Variants in SCFD2 observed in about 807,000 individuals in gnomAD.
SCFD2 encodes the protein sec1 family domain containing 2.
Under a neutral mutation model 58.9 loss-of-function variants are expected in SCFD2, and 54 were observed. That is an observed-to-expected ratio of 0.92 (90% CI 0.74 to 1.15). SCFD2 has a LOEUF of 1.15. SCFD2 is among the 50% of genes most tolerant of loss of function. The pLI is 0.00. For synonymous variants in SCFD2, 321 were observed against 335.9 expected, an observed-to-expected ratio of 0.96 and a Z score of 0.49; for missense variants, 805 against 836.6, an observed-to-expected ratio of 0.96 and a Z score of 0.47.
At chr4:53,059,829 C>T (rs1446304420) in intron 5 of SCFD2, among the ~76,000 whole-genome samples, 3 of 152,020 alleles carry the variant, frequency 2.0e-5, no homozygotes, top group Non-Finnish European at 4.4e-5. Context: ...TACTTTTCTA[C>T]AAATAGCAAT....
At chr4:53,252,913 C>A (rs1730451514) in intron 4 of SCFD2, among the ~76,000 whole-genome samples, 1 of 152,136 alleles carries the variant, frequency 6.6e-6, no homozygotes, top group Admixed American at 6.6e-5. Context: ...TAAAGCGCTT[C>A]TGCACAGCAA....
intron 1 of SCFD2, among the ~76,000 whole-genome samples, chr4:53,354,270 T>G (rs1455694932): frequency 6.6e-6 from 1 of 152,170 alleles, no homozygotes; most frequent in African/African-American, 2.4e-5. Flanking sequence ...TCAATCGTGG[T>G]GTGGGTGGGC....
At chr4:53,181,528 A>G (rs1276407514) in intron 4 of SCFD2, among the ~76,000 whole-genome samples, 2 of 152,082 alleles carry the variant, frequency 1.3e-5, no homozygotes, top group African/African-American at 2.4e-5. Context: ...AGCTATCTAT[A>G]ACAAACCCAC....
chr4:53,089,764 G>A (rs1724418321), intron 5 of SCFD2, among the ~76,000 whole-genome samples: 1 of 152,080 alleles, frequency 6.6e-6, no homozygotes, highest in Non-Finnish European at 1.5e-5. Flanking sequence ...ATCTCTAGAT[G>A]TCCCGTTTGT....
chr4:53,199,311 C>A (rs1218404059), intron 4 of SCFD2, among the ~76,000 whole-genome samples: 3 of 152,086 alleles, frequency 2.0e-5, no homozygotes, highest in Non-Finnish European at 4.4e-5. Context: ...TGCTTATTTT[C>A]TTGCTTCTCT....
chr4:53,076,701 T>C (rs1393720117), intron 5 of SCFD2, among the ~76,000 whole-genome samples: 1 of 152,124 alleles, frequency 6.6e-6, no homozygotes, highest in Non-Finnish European at 1.5e-5. Context: ...TAATTCTCCA[T>C]CAAATTTAAT....
chr4:53,110,998 T>C (rs1464074737), intron 5 of SCFD2, among the ~76,000 whole-genome samples: 2 of 152,204 alleles, frequency 1.3e-5, no homozygotes, highest in Non-Finnish European at 2.9e-5. Flanking sequence ...CATGGAATAC[T>C]ATGCAGCCAT....
intron 3 of SCFD2, 129 bp from the exon 4 acceptor site, chr4:53,274,130 G>A: frequency 1.4e-6 from 1 of 701,918 alleles, no homozygotes; most frequent in Non-Finnish European, 2.2e-6. Flanking sequence ...GCTTTCCTAA[G>A]CTATTGTGAT....
At chr4:53,107,546 TG>T (rs1471299989) in intron 5 of SCFD2, among the ~76,000 whole-genome samples, 4 of 149,716 alleles carry the variant, frequency 2.7e-5, no homozygotes, top group African/African-American at 7.3e-5. Context: ...AACAAACAAA[TG>T]GAAAGCAAAA....
chr4:53,308,421 T>C (rs1181208438), intron 3 of SCFD2, among the ~76,000 whole-genome samples: 1 of 152,164 alleles, frequency 6.6e-6, no homozygotes, highest in Non-Finnish European at 1.5e-5. Context: ...TTTTAACTTT[T>C]CCTTTTTGCA....
chr4:53,104,608 G>A (rs74777937), intron 5 of SCFD2, among the ~76,000 whole-genome samples: 1,930 of 152,236 alleles, frequency 0.013, 12 homozygotes, highest in Middle Eastern at 0.051. Context: ...CCATACTAAC[G>A]TAAGATGTAA....
At chr4:53,213,827 C>G (rs560293952) in intron 4 of SCFD2, among the ~76,000 whole-genome samples, 1 of 152,020 alleles carries the variant, frequency 6.6e-6, no homozygotes, top group Non-Finnish European at 1.5e-5. Context: ...CACGACAGGC[C>G]CTGGTGTGTG....
chr4:53,353,198 G>A (rs1451759848), intron 1 of SCFD2, among the ~76,000 whole-genome samples: 1 of 152,190 alleles, frequency 6.6e-6, no homozygotes, highest in Admixed American at 6.5e-5. Context: ...GCTGGCTTCA[G>A]GAGTGAAGCT....
intron 5 of SCFD2, among the ~76,000 whole-genome samples, chr4:53,025,409 C>A (rs1385343894): frequency 6.6e-6 from 1 of 152,118 alleles, no homozygotes. Flanking sequence ...TACTTCCAAA[C>A]CAAAAAACAC....
At chr4:52,918,227 C>T (rs1435941491) in intron 6 of SCFD2, among the ~76,000 whole-genome samples, 1 of 152,232 alleles carries the variant, frequency 6.6e-6, no homozygotes, top group Non-Finnish European at 1.5e-5. Context: ...GACTATTTTT[C>T]TAAACCAGAC....
intron 4 of SCFD2, among the ~76,000 whole-genome samples, chr4:53,154,481 C>A (rs1225544636): frequency 2.0e-5 from 3 of 152,330 alleles, no homozygotes; most frequent in Admixed American, 2.0e-4. Flanking sequence ...GGGATCTGCC[C>A]TCATGATCCA....
At chr4:53,007,611 GTGTCAGCATC>G (rs1179753976) in intron 5 of SCFD2, among the ~76,000 whole-genome samples, 5 of 152,104 alleles carry the variant, frequency 3.3e-5, no homozygotes, top group African/African-American at 1.2e-4. Context: ...ACTTCTCTAT[GTGTCAGCATC>G]TGTACCTGTA....
chr4:53,331,713 C>A (rs377274548), intron 2 of SCFD2, among the ~76,000 whole-genome samples: 22 of 152,038 alleles, frequency 1.4e-4, no homozygotes, highest in Admixed American at 2.6e-4. Context: ...AAACACATTC[C>A]AAAGCTAGCA....
In SCFD2 at chr4:53,276,018, TTG is replaced by T. The variant is rs146091115; in HGVS notation, c.1136-2019_1136-2018del. Among the ~76,000 whole-genome samples the T allele has an allele frequency of 4.6e-3, 674 of 147,932 alleles. 1 individual carries two copies. The highest frequency in any genetic ancestry group is 0.012 in the African/African-American group (485 of 40,652). The stretch of plus-strand genomic sequence containing the variant: ...TTCACAAACATCTGTGTACAGGTCT[TTG>T]TGTGTGTGTGTGTGTGTGTGTGTAT... On this transcript the variant is annotated intron_variant, in intron 3 of 8. Transcript: ENST00000401642.
Sources: gnomAD v4.1 joint callset for allele counts (sites outside exome capture counted in the v4.1 genomes callset) on GRCh38, gnomAD v4.1.1 for gene constraint, MANE v1.5 for transcripts, NCBI Gene and HGNC (gene_info 2026-07-23, HGNC 2026-07-21) for gene names.